The following EGLN1 variants were observed in gnomAD, a reference collection of about 807,000 sequenced individuals.
The protein encoded by EGLN1 is egl nine homolog 1.
In EGLN1, 17 loss-of-function variants were observed where a neutral mutation model predicts 38.3. The ratio of observed to expected loss-of-function variants is 0.44; its 90% CI spans 0.30 to 0.67. EGLN1 has a LOEUF of 0.67. Among genes scored for constraint, EGLN1 ranks in the 30% least tolerant of loss-of-function variants. The pLI is 0.08. For synonymous variants in EGLN1, 283 were observed against 257.5 expected (o/e 1.10, Z -0.95); for missense variants, 477 against 603.3 (o/e 0.79, Z 2.19).
intron 1 of EGLN1, among the ~76,000 whole-genome samples, chr1:231,387,694 T>C (rs1356810433): frequency 1.3e-5 from 2 of 152,204 alleles, no homozygotes; most frequent in Non-Finnish European, 2.9e-5. Flanking sequence ...GTATACCTAG[T>C]GAGTGGTTTA....
At chr1:231,418,702 A>T (rs193254285) in intron 1 of EGLN1, among the ~76,000 whole-genome samples, 64 of 151,886 alleles carry the variant, frequency 4.2e-4, no homozygotes, top group South Asian at 1.7e-3. Flanking sequence ...TACAAAAAAA[A>T]TTTTTTTTCA....
intron 1 of EGLN1, among the ~76,000 whole-genome samples, chr1:231,403,107 C>T (rs752288444): frequency 6.6e-6 from 1 of 152,082 alleles, no homozygotes; most frequent in Non-Finnish European, 1.5e-5. Context: ...AGAGAATATA[C>T]TCTGTATGAT....
chr1:231,379,196 A>G (rs2572248), intron 1 of EGLN1, among the ~76,000 whole-genome samples: 82,890 of 152,032 alleles, frequency 0.55, 24,219 homozygotes, highest in Non-Finnish European at 0.65. Context: ...TATATAGTCC[A>G]CCCAAGAGTT....
chr1:231,415,166 CG>C (rs982977687), intron 1 of EGLN1, among the ~76,000 whole-genome samples: 8 of 151,248 alleles, frequency 5.3e-5, no homozygotes, highest in Non-Finnish European at 1.2e-4. Context: ...CCAGCTACTA[CG>C]GAGACTCAAG....
chr1:231,416,231 CAA>C lies in EGLN1; in HGVS notation c.891+4765_891+4766del, dbSNP rs151287043. Among the ~76,000 whole-genome samples the C allele has an allele frequency of 3.9e-4, 60 of 152,052 alleles. 1 individual carries two copies. In the East Asian group the frequency reaches 0.01, roughly 26 times the overall value. On this transcript the variant is annotated intron_variant, in intron 1 of 4. Transcript: ENST00000366641. The stretch of plus-strand genomic sequence containing the variant: ...CAGGCTGGTCTTGAATTCCTGGACT[CAA>C]GCTATCGTCCCACCTCAGCCTCCCA...
At chr1:231,368,642 T>C (rs1414205006) in intron 3 of EGLN1, among the ~76,000 whole-genome samples, 1 of 152,210 alleles carries the variant, frequency 6.6e-6, no homozygotes, top group Non-Finnish European at 1.5e-5. Flanking sequence ...CTGGGCAGAA[T>C]ATAGCAATTA....
chr1:231,418,073 C>T (rs1226264289), intron 1 of EGLN1, among the ~76,000 whole-genome samples: 2 of 149,254 alleles, frequency 1.3e-5, no homozygotes, highest in Non-Finnish European at 3.0e-5. Flanking sequence ...TACACATTTG[C>T]TGCATATAAC....
At chr1:231,405,174 A>G (rs945480716) in intron 1 of EGLN1, among the ~76,000 whole-genome samples, 2 of 152,058 alleles carry the variant, frequency 1.3e-5, no homozygotes, top group Non-Finnish European at 2.9e-5. Flanking sequence ...TATTTTATTT[A>G]TATTTATTAT....
intron 1 of EGLN1, among the ~76,000 whole-genome samples, chr1:231,392,435 T>C (rs758359543): frequency 9.9e-5 from 15 of 152,214 alleles, no homozygotes; most frequent in Non-Finnish European, 1.9e-4. Context: ...AAGCATACTA[T>C]GTAGAAAAAT....
In EGLN1 at chr1:231,422,057, C is replaced by T; in HGVS notation, c.-169G>A. 1 of 654,738 alleles carries T rather than the reference C, an allele frequency of 1.5e-6. No individual in the cohort carries two copies. Among genetic ancestry groups the T allele is most frequent in the Non-Finnish European group, 2.2e-6 (1 of 451,354 alleles). 40.6% of individuals were successfully genotyped at this position (654,738 alleles called of 1,614,324 possible). A position where few individuals can be genotyped will look rare whatever the true frequency, so the allele number is the denominator to read the frequency against. ...CCGGCACCCCACGCCCTCGGCCCGG[C>T]CGCTTCCGAGTCCTAAGCTCCGGCG... On this transcript the variant is annotated 5_prime_UTR_variant, in exon 1 of 5. Transcript: ENST00000366641.
At chr1:231,398,716 A>G (rs1341893749) in intron 1 of EGLN1, among the ~76,000 whole-genome samples, 3 of 151,138 alleles carry the variant, frequency 2.0e-5, no homozygotes, top group East Asian at 1.9e-4. Flanking sequence ...AACAAAGAAT[A>G]ATGGAGGTAG....
At chr1:231,414,319 TAAAC>T (rs1689021917) in intron 1 of EGLN1, among the ~76,000 whole-genome samples, 1 of 151,918 alleles carries the variant, frequency 6.6e-6, no homozygotes, top group Non-Finnish European at 1.5e-5. Context: ...AGTGAAAAAT[TAAAC>T]AAAAACAACT....
Position 231,366,268 on chromosome 1 carries a change from T to C in EGLN1, c.*143A>G, listed in dbSNP as rs55825888. On this transcript the variant is annotated 3_prime_UTR_variant, in exon 5 of 5. Coordinates refer to ENST00000366641, the MANE Select transcript of EGLN1 (RefSeq NM_022051.3). ...ACAGCAGTCAAAATCTTCTGTTTGA[T>C]GCAACACAAAAAGTTGTTTCTGTTT... The C allele has an allele frequency of 2.4e-6, 2 of 828,686 alleles. No individual in the cohort carries two copies. Among genetic ancestry groups the C allele is most frequent in the Non-Finnish European group, 4.0e-6 (2 of 499,744 alleles). The allele number at this position is 828,686 out of a possible 1,614,324, so 51.3% of individuals were successfully genotyped here. A position where few individuals can be genotyped will look rare whatever the true frequency, so the allele number is the denominator to read the frequency against.
At chr1:231,386,138 G>C (rs529581157) in intron 1 of EGLN1, among the ~76,000 whole-genome samples, 1 of 151,376 alleles carries the variant, frequency 6.6e-6, no homozygotes, top group Non-Finnish European at 1.5e-5. Context: ...CAATAATAGC[G>C]TAACTCCCTT....
At chr1:231,386,987 A>AGC (rs1688227075) in intron 1 of EGLN1, among the ~76,000 whole-genome samples, 1 of 151,974 alleles carries the variant, frequency 6.6e-6, no homozygotes, top group Non-Finnish European at 1.5e-5. Context: ...CAGCCTCCTG[A>AGC]ACAGCTCTAC....
In EGLN1 at chr1:231,383,949, TAAAG is replaced by T. The variant is rs539462901; in HGVS notation, c.892-9854_892-9851del. 3.6e-3 allele frequency among the ~76,000 whole-genome samples: 547 copies of T among 152,226 alleles called. 4 individuals are homozygous for T. Among genetic ancestry groups the T allele is most frequent in the African/African-American group, 0.012 (505 of 41,530 alleles). ...ATTGTAATTGGCAAAAAATCAAAAA[TAAAG>T]AGTTTTGAATAATAAAATCATTTTT... On this transcript the variant is annotated intron_variant, in intron 1 of 4. Transcript: ENST00000366641.
At chr1:231,384,458 G>A (rs1233281811) in intron 1 of EGLN1, among the ~76,000 whole-genome samples, 1 of 151,310 alleles carries the variant, frequency 6.6e-6, no homozygotes, top group African/African-American at 2.4e-5. Context: ...ATTATTTATA[G>A]GGTGGTTGGT....
rs767760072 is a variant in EGLN1, at chr1:231,421,259, C to T, written c.630G>A (p.Val210=). The part of the protein sequence containing the change: ...PCMNKHGICV[V]DDFLGKETGQ... ...CGGTCTCCTTGCCGAGGAAGTCGTCCACCACACAGATGCCGTGCTTGTTCA... is the reference window on the plus strand; with the variant it reads ...CGGTCTCCTTGCCGAGGAAGTCGTCTACCACACAGATGCCGTGCTTGTTCA... The change falls in exon 1 of 5, where the codon GTG becomes GTA. Residue 210 remains valine (V), a synonymous_variant. Transcript: ENST00000366641. This position sits in a 1 kb window ranked among gnomAD's most constrained non-coding sequence, Gnocchi z 5.5. 1.1e-5 allele frequency: 17 copies of T among 1,613,678 alleles called. No individual in the cohort carries two copies. The Admixed American group carries it at 1.7e-4, about 16-fold the overall frequency.
At chr1:231,401,214 C>T (rs1688655135) in intron 1 of EGLN1, among the ~76,000 whole-genome samples, 1 of 152,144 alleles carries the variant, frequency 6.6e-6, no homozygotes, top group African/African-American at 2.4e-5. Context: ...CCTGGTTTAC[C>T]TAACTTTCTA....
Sources: allele counts gnomAD v4.1 joint callset (sites outside exome capture counted in the v4.1 genomes callset), GRCh38; gene constraint gnomAD v4.1.1; non-coding constraint Gnocchi (gnomAD v3.1); transcripts MANE v1.5; gene names NCBI Gene and HGNC (gene_info 2026-07-23, HGNC 2026-07-21).